The following MIA3 variants were observed in gnomAD, a reference collection of about 807,000 sequenced individuals.
MIA3 encodes MIA SH3 domain ER export factor 3.
MIA3 carries 90 observed loss-of-function variants against 192.4 expected under a neutral mutation model. The observed-to-expected ratio is 0.47, with a 90% CI of 0.39 to 0.56. MIA3 has a LOEUF of 0.56. MIA3 is among the 20% of genes least tolerant of loss of function. The pLI, the probability that MIA3 is intolerant of heterozygous loss-of-function variation, is 0.00. For missense variants in MIA3, 2,123 were observed against 2,269.4 expected, an observed-to-expected ratio of 0.94 and a Z score of 1.31; for synonymous variants, 740 against 792.8, an observed-to-expected ratio of 0.93 and a Z score of 1.12.
chr1:222,626,503 G>T (rs1471363257), intron 3 of MIA3, among the ~76,000 whole-genome samples: 3 of 152,212 alleles, frequency 2.0e-5, no homozygotes, highest in Non-Finnish European at 4.4e-5. Context: ...GTTAGGGGAA[G>T]AAAGTTATCT....
chr1:222,656,010 C>A (rs1663705878), intron 18 of MIA3, among the ~76,000 whole-genome samples: 1 of 146,058 alleles, frequency 6.8e-6, no homozygotes, highest in Non-Finnish European at 1.5e-5. Context: ...CACTCTGCCG[C>A]CCAGGCTGGA....
rs1247373502 is a variant in MIA3, at chr1:222,621,812, TG to T, written c.267+521del. Among the ~76,000 whole-genome samples, 10 of 92,568 alleles carry T rather than the reference TG, an allele frequency of 1.1e-4. 1 individual carries two copies. Among genetic ancestry groups the T allele is most frequent in the Non-Finnish European group, 1.5e-4 (5 of 33,344 alleles). The allele number at this position is 92,568 out of a possible 152,430, so 60.7% of individuals were successfully genotyped here. On this transcript the variant is annotated intron_variant, in intron 2 of 27. Transcript: ENST00000344922. ...TTTCTCGTGTGCTTTCTTGTTTGTT[TG>T]TTTTTTTTTTTTTGAGGCGGAGTCT...
intron 19 of MIA3, 102 bp downstream of exon 19, chr1:222,658,925 C>T: frequency 1.5e-6 from 1 of 672,636 alleles, no homozygotes; most frequent in Non-Finnish European, 2.5e-6. Context: ...GACATGAATA[C>T]ATCAATTCAC....
intron 24 of MIA3, 89 bp downstream of exon 24, chr1:222,660,403 G>A (rs1279285527): frequency 1.4e-5 from 20 of 1,387,068 alleles, no homozygotes; most frequent in Admixed American, 9.3e-5. Flanking sequence ...TTTAGAATTC[G>A]GGTCTGTCCA....
chr1:222,644,523 G>C, intron 6 of MIA3: 1 of 1,550,650 alleles, frequency 6.4e-7, no homozygotes, highest in Non-Finnish European at 8.7e-7. Flanking sequence ...CTACCCCGGG[G>C]GACCCGGAAC....
intron 26 of MIA3, 71 bp downstream of exon 26, chr1:222,662,403 C>G: frequency 6.3e-7 from 1 of 1,583,304 alleles, no homozygotes; most frequent in Middle Eastern, 1.7e-4. Context: ...CTCTCTTTGC[C>G]TCATCTCCTA....
chr1:222,619,247 C>G (rs1451298029), intron 1 of MIA3, among the ~76,000 whole-genome samples: 2 of 152,178 alleles, frequency 1.3e-5, no homozygotes. Context: ...TCTATGTTCG[C>G]CGGACCAGGA....
intron 6 of MIA3, among the ~76,000 whole-genome samples, chr1:222,642,987 A>G: frequency 6.6e-6 from 1 of 152,132 alleles, no homozygotes; most frequent in East Asian, 1.9e-4. Context: ...TTAGGTTACC[A>G]TTGCCAAAGT....
chr1:222,638,153 C>T (rs980723094), intron 6 of MIA3, among the ~76,000 whole-genome samples: 3 of 152,082 alleles, frequency 2.0e-5, no homozygotes, highest in Non-Finnish European at 4.4e-5. Context: ...GAGCAGAATA[C>T]ATATTATATA....
intron 12 of MIA3, 50 bp from the exon 13 acceptor site, chr1:222,652,178 T>C (rs1405962935): frequency 6.6e-7 from 1 of 1,512,698 alleles, no homozygotes; most frequent in East Asian, 2.3e-5. Context: ...AAAGTAACTT[T>C]TTCTGGTTTT....
chr1:222,626,016 G>A (rs1455328235), intron 3 of MIA3, among the ~76,000 whole-genome samples: 1 of 152,140 alleles, frequency 6.6e-6, no homozygotes, highest in East Asian at 1.9e-4. Flanking sequence ...TAGGATTACA[G>A]GCTGCCTTTC....
chr1:222,642,087 C>G (rs554882750), intron 6 of MIA3, among the ~76,000 whole-genome samples: 1 of 152,160 alleles, frequency 6.6e-6, no homozygotes, highest in East Asian at 1.9e-4. Context: ...TTAGGAAATG[C>G]AAACTAATGT....
chr1:222,622,463 CAAACAA>C (rs1558170262), intron 2 of MIA3, among the ~76,000 whole-genome samples: 1 of 127,648 alleles, frequency 7.8e-6, no homozygotes, highest in African/African-American at 3.2e-5. Context: ...AAACACCAAA[CAAACAA>C]AGAGAAAATA....
intron 11 of MIA3, among the ~76,000 whole-genome samples, chr1:222,651,568 G>A (rs1663434391): frequency 6.6e-6 from 1 of 151,300 alleles, no homozygotes; most frequent in South Asian, 2.1e-4. Flanking sequence ...TTAGGCAAGA[G>A]CAATTGGTGT....
chr1:222,665,471 G>T lies in MIA3; in HGVS notation c.5576G>T (p.Arg1859Leu), dbSNP rs201316441. 6.2e-7 allele frequency: 1 copy of T among 1,613,846 alleles called. No individual in the cohort carries two copies. Among genetic ancestry groups the T allele is most frequent in the Non-Finnish European group, 8.5e-7 (1 of 1,179,968 alleles). ...GPREYFIPGT[R>L]LPPPTHGPQE... is the part of the protein sequence containing the mutation. ...AGAGAGTACTTTATTCCTGGTACCC[G>T]ATTACCACCCCCAACCCATGGTCCC... Residue 1859 changes from arginine to leucine, a missense_variant, in exon 28 of 28, where the codon CGA (arginine) becomes CTA (leucine). Arg to Leu is a moderately radical substitution (Grantham distance 102). Coordinates refer to ENST00000344922, the MANE Select transcript of MIA3 (RefSeq NM_198551.4).
rs752042675 is a variant in MIA3, at chr1:222,662,293, A to G, written c.5223A>G (p.Ser1741=). Residue 1741 remains serine (S), a synonymous_variant, in exon 26 of 28, where the codon TCA becomes TCG. Transcript: ENST00000344922. ...CAGCTACCATGATGAACAGCAGCTC[A>G]AGAGGCTCTTCCCCTACCAGGGTAC... is the stretch of plus-strand genomic sequence containing the variant. ...SGTATMMNSS[S]RGSSPTRVLD... The G allele has an allele frequency of 6.2e-7, 1 of 1,605,244 alleles. No individual in the cohort carries two copies. Among genetic ancestry groups the G allele is most frequent in the East Asian group, 2.2e-5 (1 of 44,668 alleles).
Position 222,629,230 on chromosome 1 carries a change from A to C in MIA3, c.2010A>C (p.Gln670His), listed in dbSNP as rs1198551955. 3 of 1,614,062 alleles carry C rather than the reference A, an allele frequency of 1.9e-6. No homozygotes were observed. The highest frequency in any genetic ancestry group is 1.7e-6 in the Non-Finnish European group (2 of 1,180,038). Residue 670 changes from glutamine to histidine, a missense_variant, in exon 4 of 28, where the codon CAA (glutamine) becomes CAC (histidine). Physicochemically the swap from Gln to His is conservative, Grantham distance 24. Coordinates refer to ENST00000344922, the MANE Select transcript of MIA3 (RefSeq NM_198551.4). ...ATGTGGCTGCCACAGCCAGTAAGCAAATGAGTGAGAAGATAAGGCTCTCTG... is the reference window on the plus strand; with the variant it reads ...ATGTGGCTGCCACAGCCAGTAAGCACATGAGTGAGAAGATAAGGCTCTCTG... ...ERDVAATASK[Q>H]MSEKIRLSEG...
intron 7 of MIA3, chr1:222,646,037 A>AC (rs1663124804): frequency 5.2e-6 from 1 of 190,694 alleles, no homozygotes; most frequent in South Asian, 8.4e-5. Context: ...CCTGAAAAAT[A>AC]GTTTCATGAT....
chr1:222,622,752 A>G (rs1661931612), intron 2 of MIA3, among the ~76,000 whole-genome samples: 1 of 151,872 alleles, frequency 6.6e-6, no homozygotes, highest in African/African-American at 2.4e-5. Flanking sequence ...TCCACTCCTC[A>G]TCTTTGAGCA....
Sources: gnomAD v4.1 joint callset for allele counts (sites outside exome capture counted in the v4.1 genomes callset) on GRCh38, gnomAD v4.1.1 for gene constraint, MANE v1.5 for transcripts, NCBI Gene and HGNC (gene_info 2026-07-23, HGNC 2026-07-21) for gene names.